Variants in NECTIN4 observed in about 807,000 individuals in gnomAD.
NECTIN4 encodes nectin-4.
A neutral mutation model predicts 51.7 loss-of-function variants in NECTIN4; 19 were observed. That is an observed-to-expected ratio of 0.37 (90% confidence interval 0.26 to 0.54). NECTIN4 has a LOEUF of 0.54. Ranked by LOEUF, NECTIN4 falls within the 20% of genes least tolerant of loss-of-function variation. NECTIN4 has a pLI of 0.86. For missense variants in NECTIN4, 619 were observed against 662.4 expected (o/e 0.93, Z 0.72); for synonymous variants, 283 against 286.9 (o/e 0.99, Z 0.14).
At chr1:161,083,303 T>C (rs574837550) in intron 1 of NECTIN4, among the ~76,000 whole-genome samples, 2 of 152,140 alleles carry the variant, frequency 1.3e-5, no homozygotes, top group South Asian at 2.1e-4. Context: ...GAAGAGAAAA[T>C]AGAATTTGGG....
intron 1 of NECTIN4, among the ~76,000 whole-genome samples, chr1:161,087,927 G>A (rs560080302): frequency 6.6e-6 from 1 of 152,106 alleles, no homozygotes; most frequent in Non-Finnish European, 1.5e-5. Context: ...TTTAAGTGTG[G>A]GTAGATCCCA....
In NECTIN4 at chr1:161,077,495, G is replaced by C; in HGVS notation, c.688C>G (p.Leu230Val). The change falls in exon 3 of 9, where the codon CTG becomes GTG. Residue 230 changes from leucine (L) to valine (V), a missense_variant. Leu to Val is a conservative substitution (Grantham distance 32). Coordinates refer to ENST00000368012, the MANE Select transcript of NECTIN4 (RefSeq NM_030916.3). ...TGGGTGATCCTTTGGTCCTGGAGCA[G>C]GCCAGGATGGGACACCACACAAGTC... is the stretch of plus-strand genomic sequence containing the variant. Reference protein sequence around the residue: ...PLTCVVSHPGLLQDQRITHIL... With the variant: ...PLTCVVSHPGVLQDQRITHIL... 6.2e-7 allele frequency: 1 copy of C among 1,614,150 alleles called. No homozygotes were observed. The highest frequency in any genetic ancestry group is 8.5e-7 in the Non-Finnish European group (1 of 1,180,036).
intron 4 of NECTIN4, 70 bp from the exon 5 acceptor site, chr1:161,074,829 A>G: frequency 6.6e-7 from 1 of 1,515,860 alleles, no homozygotes; most frequent in Non-Finnish European, 9.0e-7. Context: ...ACGTGTCCAG[A>G]CAGCTCTCCA....
chr1:161,089,511 C>T lies in NECTIN4; in HGVS notation c.-215G>A, dbSNP rs1241455075. 2 of 592,734 alleles carry T rather than the reference C, an allele frequency of 3.4e-6. No homozygotes were observed. The highest frequency in any genetic ancestry group is 5.8e-5 in the East Asian group (2 of 34,402). 36.7% of individuals were successfully genotyped at this position (592,734 alleles called of 1,614,324 possible). On this transcript the variant is annotated 5_prime_UTR_variant, in exon 1 of 9. Transcript: ENST00000368012. The surrounding 1 kb of genome is among the most constrained non-coding windows in gnomAD (Gnocchi z 4.1). ...CCCCAAGAAGCCGTGATCGGGAGCT[C>T]CGAGCTCCCCCAGAGCTGCTTCCCA... is the stretch of plus-strand genomic sequence containing the variant.
Position 161,079,746 on chromosome 1 carries a change from C to T in NECTIN4, c.283G>A (p.Glu95Lys). Reference protein sequence around the residue: ...KYGLHVSPAYEGRVEQPPPPR... With the variant: ...KYGLHVSPAYKGRVEQPPPPR... ...GGCGGCGGCTGCTCCACGCGGCCCT[C>T]GTAAGCCGGGCTCACATGAAGCCCG... is the stretch of plus-strand genomic sequence containing the variant. The change falls in exon 2 of 9, where the codon GAG (glutamate) becomes AAG (lysine). Residue 95 changes from glutamate to lysine, a missense_variant. Around this residue, in one of 3 missense-constraint regions of NECTIN4, gnomAD observed 218 missense variants for 186.3 expected, o/e 1.17. Transcript: ENST00000368012. 9.3e-6 allele frequency: 15 copies of T among 1,611,112 alleles called. No individual in the cohort carries two copies. Among genetic ancestry groups the T allele is most frequent in the Non-Finnish European group, 1.2e-5 (14 of 1,179,904 alleles).
In NECTIN4 at chr1:161,079,709, G is replaced by A. The variant is rs78105657; in HGVS notation, c.320C>T (p.Pro107Leu). 13,161 of 1,608,946 alleles carry A rather than the reference G, an allele frequency of 8.2e-3. 82 individuals are homozygous for A. The highest frequency in any genetic ancestry group is 9.6e-3 in the Non-Finnish European group (11,366 of 1,179,764). Residue 107 changes from proline to leucine, a missense_variant, in exon 2 of 9, where the codon CCC becomes CTC. Pro to Leu is a moderately conservative substitution (Grantham distance 98). Coordinates refer to ENST00000368012, the MANE Select transcript of NECTIN4 (RefSeq NM_030916.3). The stretch of plus-strand genomic sequence containing the variant: ...GCGCAGGAGCACTGAGCCGTCCAGG[G>A]GGTTGCGTGGGGGCGGCGGCTGCTC... ...RVEQPPPPRN[P>L]LDGSVLLRNA...
At chr1:161,080,525 A>G (rs569594605) in intron 1 of NECTIN4, among the ~76,000 whole-genome samples, 2 of 152,308 alleles carry the variant, frequency 1.3e-5, no homozygotes, top group South Asian at 2.1e-4. Flanking sequence ...CATTCTTTTC[A>G]TGGCTTGAAG....
chr1:161,081,226 A>G (rs971436308), intron 1 of NECTIN4, among the ~76,000 whole-genome samples: 1 of 152,160 alleles, frequency 6.6e-6, no homozygotes, highest in Non-Finnish European at 1.5e-5. Flanking sequence ...CAGCAAAGGA[A>G]TTCATACTTG....
At chr1:161,084,123 T>C (rs1325589703) in intron 1 of NECTIN4, among the ~76,000 whole-genome samples, 1 of 152,210 alleles carries the variant, frequency 6.6e-6, no homozygotes, top group Non-Finnish European at 1.5e-5. Flanking sequence ...GCTGAGGGCC[T>C]GGCCAATCTT....
At chr1:161,088,798 G>C (rs1043235306) in intron 1 of NECTIN4, among the ~76,000 whole-genome samples, 1 of 152,196 alleles carries the variant, frequency 6.6e-6, no homozygotes, top group African/African-American at 2.4e-5. Context: ...GCTGAGCTCT[G>C]AGTCAGCCCC....
chr1:161,072,853 C>T lies in NECTIN4; in HGVS notation c.1341G>A (p.Thr447=), dbSNP rs200493782. Residue 447 remains threonine, a synonymous_variant, in exon 9 of 9, where the codon ACG becomes ACA. Transcript: ENST00000368012. ...SEEPEGRSYS[T]LTTVREIETQ... The stretch of plus-strand genomic sequence containing the variant: ...TTTCTATCTCCCTCACCGTGGTCAG[C>T]GTGGAGTAACTGCGGCCCTCGGGCT... The T allele has an allele frequency of 8.1e-6, 13 of 1,614,106 alleles. No homozygotes were observed. In the Admixed American group the frequency reaches 1.0e-4, roughly 12 times the overall value.
chr1:161,089,495 G>A lies in NECTIN4; in HGVS notation c.-199C>T. The A allele has an allele frequency of 3.3e-6, 2 of 610,692 alleles. No homozygotes were observed. Among genetic ancestry groups the A allele is most frequent in the Non-Finnish European group, 5.9e-6 (2 of 340,520 alleles). 37.8% of individuals were successfully genotyped at this position (610,692 alleles called of 1,614,324 possible). A position where few individuals can be genotyped will look rare whatever the true frequency, so the allele number is the denominator to read the frequency against. On this transcript the variant is annotated 5_prime_UTR_variant, in exon 1 of 9. Transcript: ENST00000368012. The surrounding 1 kb of genome is among the most constrained non-coding windows in gnomAD (Gnocchi z 4.1). Reference sequence around the variant, plus strand: ...ACCCAGCCGTAGCTACCCCCAAGAAGCCGTGATCGGGAGCTCCGAGCTCCC... The same window carrying A: ...ACCCAGCCGTAGCTACCCCCAAGAAACCGTGATCGGGAGCTCCGAGCTCCC...
chr1:161,073,832 G>A (rs370587023), intron 6 of NECTIN4, 37 bp from the exon 7 acceptor site: 4 of 1,582,350 alleles, frequency 2.5e-6, no homozygotes, highest in Non-Finnish European at 3.5e-6. Flanking sequence ...GCTGAGGGTA[G>A]TGGCAGCCTC....
intron 1 of NECTIN4, among the ~76,000 whole-genome samples, chr1:161,086,407 GC>G (rs1420365375): frequency 6.6e-6 from 1 of 152,192 alleles, no homozygotes; most frequent in African/African-American, 2.4e-5. Flanking sequence ...GAAAGGGCCT[GC>G]CCCCCTCTGT....
intron 1 of NECTIN4, among the ~76,000 whole-genome samples, chr1:161,082,458 C>T (rs537909199): frequency 4.6e-5 from 7 of 152,062 alleles, no homozygotes; most frequent in Non-Finnish European, 8.8e-5. Context: ...GGAGCACCTC[C>T]AGACTGGACA....
In NECTIN4 at chr1:161,072,583, A is replaced by G; in HGVS notation, c.*78T>C. 2 of 1,226,976 alleles carry G rather than the reference A, an allele frequency of 1.6e-6. No individual in the cohort carries two copies. The highest frequency in any genetic ancestry group is 1.2e-5 in the South Asian group (1 of 83,038). 76.0% of individuals were successfully genotyped at this position (1,226,976 alleles called of 1,614,324 possible). On this transcript the variant is annotated 3_prime_UTR_variant, in exon 9 of 9. Coordinates refer to ENST00000368012, the MANE Select transcript of NECTIN4 (RefSeq NM_030916.3). ...TCTTCCGCAAGAAATGGGGGTGTTT[A>G]AGGAGGCCCCCAAGATGAGCTAAAA...
rs540825819 is a variant in NECTIN4 at position 161,079,863 on chromosome 1, C to T, written c.166G>A (p.Gly56Arg). 1 of 1,613,950 alleles carries T rather than the reference C, an allele frequency of 6.2e-7. No individual in the cohort carries two copies. Among genetic ancestry groups the T allele is most frequent in the African/African-American group, 1.3e-5 (1 of 75,060 alleles). Residue 56 changes from glycine (G) to arginine (R), a missense_variant, in exon 2 of 9, where the codon GGG becomes AGG. This residue lies in a region of NECTIN4 where 218 missense variants were observed against 186.3 expected (regional missense o/e 1.17). Coordinates refer to ENST00000368012, the MANE Select transcript of NECTIN4 (RefSeq NM_030916.3). ...QDAKLPCFYR[G>R]DSGEQVGQVA... Reference sequence around the variant, plus strand: ...TGCCCCACTTGCTCGCCGGAGTCCCCTCGGTAGAAGCAGGGCAGTTTTGCG... The same window carrying T: ...TGCCCCACTTGCTCGCCGGAGTCCCTTCGGTAGAAGCAGGGCAGTTTTGCG...
At chr1:161,080,053 C>T in intron 1 of NECTIN4, 104 bp from the exon 2 acceptor site, 3 of 1,416,398 alleles carry the variant, frequency 2.1e-6, no homozygotes, top group Non-Finnish European at 2.8e-6. Flanking sequence ...ACTCCTGGAG[C>T]ATTTGGGCTT....
chr1:161,073,681 C>T (rs753644804), intron 7 of NECTIN4, 39 bp downstream of exon 7: 10 of 1,560,372 alleles, frequency 6.4e-6, no homozygotes, highest in Non-Finnish European at 8.8e-6. Context: ...CCCAATGCGA[C>T]CACACCCCTG....
Sources: allele counts gnomAD v4.1 joint callset (sites outside exome capture counted in the v4.1 genomes callset), GRCh38; gene constraint gnomAD v4.1.1; regional missense constraint gnomAD v4.1.1; non-coding constraint Gnocchi (gnomAD v3.1); transcripts MANE v1.5; gene names NCBI Gene and HGNC (gene_info 2026-07-23, HGNC 2026-07-21).